CHIA: variants seen among roughly 807,000 people sequenced by gnomAD.
CHIA encodes the protein acidic mammalian chitinase.
Under a neutral mutation model 53.5 loss-of-function variants are expected in CHIA, and 47 were observed. The observed-to-expected ratio is 0.88, with a 90% CI of 0.70 to 1.12. The LOEUF (loss-of-function observed/expected upper bound fraction) is 1.12, where lower values mean the gene tolerates loss of function less well. Among genes scored for constraint, CHIA ranks in the 50% most tolerant of loss-of-function variants. The probability of loss-of-function intolerance (pLI) is 0.00; values close to 1 mark genes in which losing one functional copy is unlikely to be tolerated. For synonymous variants in CHIA, 268 were observed against 222.2 expected (o/e 1.21, Z -1.83); for missense variants, 652 against 592.2 (o/e 1.10, Z -1.05).
chr1:111,300,275 T>A (rs12758947), intron 1 of CHIA, among the ~76,000 whole-genome samples: 42,307 of 152,034 alleles, frequency 0.28, 6,178 homozygotes, highest in East Asian at 0.36. Flanking sequence ...CATTGCCAAG[T>A]CAATCCTAAG....
In CHIA at chr1:111,301,422, G is replaced by A. The variant is rs763981742; in HGVS notation, c.-68-8978G>A. 7.2e-5 allele frequency among the ~76,000 whole-genome samples: 11 copies of A among 151,864 alleles called. 1 individual carries two copies. Among genetic ancestry groups the A allele is most frequent in the African/African-American group, 2.2e-4 (9 of 41,350 alleles). ...GCCATAAAAAAGGATGAGTTGGGCC[G>A]GGTGCGGTGGCTCACACCTGTAATC... On this transcript the variant is annotated intron_variant, in intron 1 of 11. Transcript: ENST00000369740.
At position 111,320,553 on chromosome 1, in the gene CHIA, C is replaced by A; in HGVS notation, c.*87C>A. ...ACCTAAAGTCCTGCAATAAAATCAGCAGTCAAAACATGACTGTCCTTGCTT... is the reference window on the plus strand; with the variant it reads ...ACCTAAAGTCCTGCAATAAAATCAGAAGTCAAAACATGACTGTCCTTGCTT... On this transcript the variant is annotated 3_prime_UTR_variant, in exon 12 of 12. Transcript: ENST00000369740. 1 of 1,266,768 alleles carries A rather than the reference C, an allele frequency of 7.9e-7. No individual in the cohort carries two copies. 78.5% of individuals were successfully genotyped at this position (1,266,768 alleles called of 1,614,324 possible).
intron 1 of CHIA, among the ~76,000 whole-genome samples, chr1:111,298,937 C>G (rs550275735): frequency 6.6e-6 from 1 of 152,228 alleles, no homozygotes; most frequent in East Asian, 1.9e-4. Context: ...ATACAAACTA[C>G]CATCAGAGAA....
At chr1:111,314,686 A>G in intron 5 of CHIA, 90 bp downstream of exon 5, 1 of 875,712 alleles carries the variant, frequency 1.1e-6, no homozygotes, top group Non-Finnish European at 1.9e-6. Context: ...TTCACAATCT[A>G]AGACAGGGTA....
At chr1:111,314,339 T>A (rs1366180879) in intron 4 of CHIA, among the ~76,000 whole-genome samples, 1 of 152,240 alleles carries the variant, frequency 6.6e-6, no homozygotes, top group Non-Finnish European at 1.5e-5. Context: ...AAATTTAGAT[T>A]TCCCTAGGGA....
intron 1 of CHIA, among the ~76,000 whole-genome samples, chr1:111,293,897 T>C (rs7528117): frequency 1.3e-5 from 2 of 152,064 alleles, no homozygotes; most frequent in African/African-American, 4.8e-5. Flanking sequence ...TTGGGCAACA[T>C]GGCAAAACCC....
At chr1:111,294,866 T>C (rs1040525901) in intron 1 of CHIA, among the ~76,000 whole-genome samples, 1 of 152,214 alleles carries the variant, frequency 6.6e-6, no homozygotes, top group African/African-American at 2.4e-5. Context: ...AATCATTTCT[T>C]GCATTCAATG....
chr1:111,310,394 A>G lies in CHIA; in HGVS notation c.-68-6A>G. 1.2e-6 allele frequency: 2 copies of G among 1,607,240 alleles called. No homozygotes were observed. Among genetic ancestry groups the G allele is most frequent in the South Asian group, 1.1e-5 (1 of 89,462 alleles). On this transcript the variant is annotated splice_region_variant and splice_polypyrimidine_tract_variant and intron_variant, in intron 1 of 11. Coordinates refer to ENST00000369740, the MANE Select transcript of CHIA (RefSeq NM_201653.4). ...ACACATCTGGGTCAAATTGTTCTCT[A>G]TTTAGAAGCCTTTGTGATAACCACA...
chr1:111,299,762 T>G (rs771785816), intron 1 of CHIA, among the ~76,000 whole-genome samples: 61 of 152,056 alleles, frequency 4.0e-4, no homozygotes, highest in Non-Finnish European at 1.3e-4. Context: ...GAGAAAGAAA[T>G]AAAGGGTATT....
rs1345738140 is a variant in CHIA at position 111,317,985 on chromosome 1, G to C, written c.606-1G>C. Reference sequence around the variant, plus strand: ...ATTTTAAATCCTCCACCCCACCTCAGGTACCTGGACTACATCCATGTCATG... The same window carrying C: ...ATTTTAAATCCTCCACCCCACCTCACGTACCTGGACTACATCCATGTCATG... On this transcript the variant is annotated splice_acceptor_variant, in intron 7 of 11. Coordinates refer to ENST00000369740, the MANE Select transcript of CHIA (RefSeq NM_201653.4). LOFTEE classifies it high-confidence loss of function. 2.5e-6 allele frequency: 4 copies of C among 1,614,140 alleles called. No homozygotes were observed. The highest frequency in any genetic ancestry group is 3.4e-6 in the Non-Finnish European group (4 of 1,179,992).
chr1:111,315,676 A>G, intron 6 of CHIA: 1 of 555,708 alleles, frequency 1.8e-6, no homozygotes, highest in South Asian at 1.7e-5. Context: ...AACTCATTTC[A>G]TCTTCATATT....
At chr1:111,298,409 G>A (rs1015755099) in intron 1 of CHIA, among the ~76,000 whole-genome samples, 14 of 152,158 alleles carry the variant, frequency 9.2e-5, no homozygotes, top group African/African-American at 1.4e-4. Flanking sequence ...AGACCACAGC[G>A]CAATCAAATT....
intron 1 of CHIA, among the ~76,000 whole-genome samples, chr1:111,294,227 T>A (rs1661205712): frequency 6.6e-6 from 1 of 152,222 alleles, no homozygotes; most frequent in East Asian, 1.9e-4. Flanking sequence ...TTATTCACAT[T>A]TTCTTTATTT....
intron 1 of CHIA, among the ~76,000 whole-genome samples, chr1:111,305,296 T>C (rs1160983092): frequency 6.6e-6 from 1 of 152,210 alleles, no homozygotes; most frequent in Non-Finnish European, 1.5e-5. Context: ...GCCAACCCTT[T>C]ACATTGCCCA....
rs748413001 is a variant in CHIA at position 111,312,293 on chromosome 1, C to T, written c.159C>T (p.His53=). The change falls in exon 4 of 12, where the codon CAC becomes CAT. Residue 53 remains histidine (H), a synonymous_variant. Coordinates refer to ENST00000369740, the MANE Select transcript of CHIA (RefSeq NM_201653.4). The stretch of plus-strand genomic sequence containing the variant: ...ACATCGACCCCTGCCTCTGTACCCA[C>T]CTGATCTACGCCTTTGCTGGGAGGC... ...PDNIDPCLCT[H]LIYAFAGRQN... is the part of the protein sequence containing the mutation. The T allele has an allele frequency of 3.5e-5, 56 of 1,613,954 alleles. No individual in the cohort carries two copies. In the South Asian group the frequency reaches 3.6e-4, roughly 10 times the overall value.
intron 1 of CHIA, among the ~76,000 whole-genome samples, chr1:111,303,617 A>G (rs922620302): frequency 6.6e-6 from 1 of 152,158 alleles, no homozygotes; most frequent in Non-Finnish European, 1.5e-5. Flanking sequence ...TAACTTAAAA[A>G]AACTCTGCTC....
At position 111,298,451 on chromosome 1, in the gene CHIA, C is replaced by T. The variant is rs181614624; in HGVS notation, c.-69+7501C>T. Among the ~76,000 whole-genome samples, 26 of 152,242 alleles carry T rather than the reference C, an allele frequency of 1.7e-4. No individual in the cohort carries two copies. The East Asian group carries it at 3.7e-3, about 21-fold the overall frequency. On this transcript the variant is annotated intron_variant, in intron 1 of 11. Transcript: ENST00000369740. The stretch of plus-strand genomic sequence containing the variant: ...CAGGATTAAGAAACTCACTCAAAAC[C>T]GCACCACTACATGGAAAGTGAACAA...
At chr1:111,290,977 T>C (rs1339431635) in intron 1 of CHIA, 27 bp downstream of exon 1, 1 of 404,674 alleles carries the variant, frequency 2.5e-6, no homozygotes, top group Admixed American at 3.3e-5. Context: ...ATATATCTTT[T>C]CCCTTCTCCC....
chr1:111,295,969 G>C (rs776080711), intron 1 of CHIA, among the ~76,000 whole-genome samples: 1 of 152,258 alleles, frequency 6.6e-6, no homozygotes, highest in Non-Finnish European at 1.5e-5. Flanking sequence ...TAGCGCAGCA[G>C]TCTGAGATTG....
Sources: gnomAD v4.1 joint callset for allele counts (sites outside exome capture counted in the v4.1 genomes callset) on GRCh38, gnomAD v4.1.1 for gene constraint, MANE v1.5 for transcripts, NCBI Gene and HGNC (gene_info 2026-07-23, HGNC 2026-07-21) for gene names.